The following DIAPH2 variants were observed in gnomAD, a reference collection of about 807,000 sequenced individuals.
DIAPH2 encodes the protein protein diaphanous homolog 2.
A neutral mutation model predicts 92.7 loss-of-function variants in DIAPH2; 35 were observed. The observed-to-expected ratio is 0.38, with a 90% CI of 0.29 to 0.50. The LOEUF (loss-of-function observed/expected upper bound fraction) is 0.50. Ranked by LOEUF, DIAPH2 falls within the 20% of genes least tolerant of loss-of-function variation. The probability of loss-of-function intolerance (pLI) is 0.94; values close to 1 mark genes in which losing one functional copy is unlikely to be tolerated. For missense variants in DIAPH2, 701 were observed against 819.5 expected (o/e 0.86, Z 1.77); for synonymous variants, 301 against 280.4 (o/e 1.07, Z -0.73).
At chrX:97,296,440 T>C (rs1197430854) in intron 23 of DIAPH2, among the ~76,000 whole-genome samples, 1 of 112,315 alleles carries the variant, frequency 8.9e-6, no homozygotes, top group African/African-American at 3.2e-5. Flanking sequence ...ATTATCCATA[T>C]TATACATTAT....
intron 26 of DIAPH2, among the ~76,000 whole-genome samples, chrX:97,576,750 T>G (rs2071401890): frequency 9.0e-6 from 1 of 111,292 alleles, no homozygotes; most frequent in African/African-American, 3.3e-5. Context: ...TTATAAAAAT[T>G]ATATTTTTTC....
intron 4 of DIAPH2, among the ~76,000 whole-genome samples, chrX:96,797,042 T>G (rs1214543259): frequency 8.9e-6 from 1 of 112,369 alleles, no homozygotes. Context: ...TAAATGTATT[T>G]ATTTCACCTT....
chrX:97,145,579 G>A (rs925399471), intron 22 of DIAPH2, among the ~76,000 whole-genome samples: 2 of 108,338 alleles, frequency 1.8e-5, no homozygotes, highest in South Asian at 4.0e-4. Flanking sequence ...TTTCAAGAGC[G>A]AAATCTCTCT....
At chrX:96,843,552 A>G (rs1301815664) in intron 4 of DIAPH2, among the ~76,000 whole-genome samples, 3 of 111,405 alleles carry the variant, frequency 2.7e-5, no homozygotes, top group African/African-American at 9.8e-5. Context: ...TGTTGTAGGA[A>G]AAGCTGGGTT....
At chrX:97,229,818 T>A in intron 22 of DIAPH2, among the ~76,000 whole-genome samples, 1 of 73,774 alleles carries the variant, frequency 1.4e-5, no homozygotes, top group South Asian at 6.6e-4. Context: ...ATTGTTATTA[T>A]ATATAATAAC....
chrX:97,127,291 T>C (rs953928975), intron 21 of DIAPH2, among the ~76,000 whole-genome samples: 1 of 112,195 alleles, frequency 8.9e-6, no homozygotes, highest in African/African-American at 3.2e-5. Flanking sequence ...TGAGGAAATA[T>C]AAGCTTTTCA....
chrX:96,975,115 A>G (rs760131115), intron 17 of DIAPH2, among the ~76,000 whole-genome samples: 1 of 111,953 alleles, frequency 8.9e-6, no homozygotes, highest in South Asian at 3.7e-4. Context: ...ATGCATATAA[A>G]TGTCATTTTG....
intron 16 of DIAPH2, among the ~76,000 whole-genome samples, chrX:96,962,486 C>CATGTATATAT (rs1268359722): frequency 4.4e-5 from 1 of 22,759 alleles, no homozygotes; most frequent in African/African-American, 1.4e-4. Flanking sequence ...TATACACACA[C>CATGTATATAT]ACACACACAC....
chrX:96,732,264 A>G (rs746607808), intron 1 of DIAPH2, among the ~76,000 whole-genome samples: 36 of 111,792 alleles, frequency 3.2e-4, no homozygotes, highest in Middle Eastern at 4.6e-3. Flanking sequence ...AGCAGAAATG[A>G]TTTCGTTTTG....
intron 19 of DIAPH2, among the ~76,000 whole-genome samples, chrX:97,080,551 C>T (rs1316776877): frequency 1.0e-5 from 1 of 99,621 alleles, no homozygotes; most frequent in Non-Finnish European, 2.0e-5. Context: ...CAGCACTGTA[C>T]TCAATGTGTG....
intron 21 of DIAPH2, among the ~76,000 whole-genome samples, chrX:97,138,770 C>T (rs1002466015): frequency 9.0e-6 from 1 of 111,372 alleles, no homozygotes; most frequent in Non-Finnish European, 1.9e-5. Flanking sequence ...CCTTTTGCAT[C>T]TTATAAAAAT....
At chrX:96,875,764 ATAAAT>A (rs1165158703) in intron 4 of DIAPH2, among the ~76,000 whole-genome samples, 1 of 111,456 alleles carries the variant, frequency 9.0e-6, no homozygotes, top group African/African-American at 3.3e-5. Flanking sequence ...GTTAAAAAAA[ATAAAT>A]TAAAAAAAGA....
At chrX:97,249,062 CA>C (rs2068165365) in intron 23 of DIAPH2, among the ~76,000 whole-genome samples, 1 of 107,567 alleles carries the variant, frequency 9.3e-6, no homozygotes, top group African/African-American at 3.4e-5. Context: ...TTGCTGATTA[CA>C]TTTTTTTTTT....
At chrX:97,440,040 G>A (rs2070237209) in intron 26 of DIAPH2, among the ~76,000 whole-genome samples, 1 of 111,041 alleles carries the variant, frequency 9.0e-6, no homozygotes, top group African/African-American at 3.3e-5. Flanking sequence ...AATGAGTAGA[G>A]CAGTGATCCT....
intron 1 of DIAPH2, among the ~76,000 whole-genome samples, chrX:96,712,362 G>T (rs1230373873): frequency 2.7e-5 from 3 of 110,075 alleles, no homozygotes; most frequent in Non-Finnish European, 5.7e-5. Flanking sequence ...TTCTTAAAAA[G>T]ATCTTTATTT....
intron 5 of DIAPH2, among the ~76,000 whole-genome samples, chrX:96,886,336 A>G (rs2065261926): frequency 9.1e-6 from 1 of 109,981 alleles, no homozygotes; most frequent in Non-Finnish European, 1.9e-5. Flanking sequence ...ATATTCATAT[A>G]TAATATACAA....
intron 24 of DIAPH2, among the ~76,000 whole-genome samples, chrX:97,355,669 C>T (rs2069259536): frequency 9.0e-6 from 1 of 111,193 alleles, no homozygotes; most frequent in African/African-American, 3.3e-5. Context: ...AACTAGATGT[C>T]TCCAGGTCTC....
At chrX:97,367,958 G>A (rs971269171) in intron 24 of DIAPH2, among the ~76,000 whole-genome samples, 4 of 111,711 alleles carry the variant, frequency 3.6e-5, no homozygotes, top group Non-Finnish European at 5.6e-5. Context: ...CGAGTGCCTC[G>A]CTTCGGCCTC....
At chrX:97,120,188 T>C (rs944091441) in intron 21 of DIAPH2, among the ~76,000 whole-genome samples, 7 of 111,094 alleles carry the variant, frequency 6.3e-5, no homozygotes, top group African/African-American at 2.0e-4. Context: ...AATAGCCTGC[T>C]TGGGGACCCA....
Sources: allele counts gnomAD v4.1 joint callset (sites outside exome capture counted in the v4.1 genomes callset), GRCh38; gene constraint gnomAD v4.1.1; transcripts MANE v1.5; gene names NCBI Gene and HGNC (gene_info 2026-07-23, HGNC 2026-07-21).